Variants in JCAD observed in about 807,000 individuals in gnomAD.
JCAD encodes the protein junctional cadherin 5 associated, also known as junctional cadherin 5-associated protein.
In JCAD, 40 loss-of-function variants were observed where a neutral mutation model predicts 98.0. The ratio of observed to expected loss-of-function variants is 0.41; its 90% CI spans 0.32 to 0.53. The LOEUF (loss-of-function observed/expected upper bound fraction) is 0.53, where lower values mean the gene tolerates loss of function less well. Among genes scored for constraint, JCAD ranks in the 20% least tolerant of loss-of-function variants. JCAD has a pLI of 0.31. For missense variants in JCAD, 1,705 were observed against 1,738.1 expected (o/e 0.98, Z 0.34); for synonymous variants, 691 against 682.3 (o/e 1.01, Z -0.20).
At position 30,027,917 on chromosome 10, in the gene JCAD, C is replaced by G. The variant is rs1334549998; in HGVS notation, c.2231G>C (p.Arg744Thr). 1 of 1,614,200 alleles carries G rather than the reference C, an allele frequency of 6.2e-7. No individual in the cohort carries two copies. The highest frequency in any genetic ancestry group is 2.2e-5 in the East Asian group (1 of 44,876). ...TAFPTGDHKQRPSARNLKGHR... is the reference protein window; with the variant it reads ...TAFPTGDHKQTPSARNLKGHR... ...ACCTTTCAGGTTACGGGCACTTGGC[C>G]TCTGTTTGTGATCACCGGTAGGGAA... Residue 744 changes from arginine to threonine, a missense_variant, in exon 3 of 4, where the codon AGG becomes ACG. Transcript: ENST00000375377.
intron 1 of JCAD, among the ~76,000 whole-genome samples, chr10:30,082,202 C>T (rs1004787117): frequency 4.6e-5 from 7 of 152,012 alleles, no homozygotes; most frequent in African/African-American, 1.7e-4. Flanking sequence ...AAAACAGATC[C>T]ATTAGCTGTC....
intron 2 of JCAD, among the ~76,000 whole-genome samples, chr10:30,030,646 C>G (rs2074387193): frequency 6.6e-6 from 1 of 151,998 alleles, no homozygotes; most frequent in African/African-American, 2.4e-5. Flanking sequence ...TCACTGAGTC[C>G]TGGAATTGCT....
chr10:30,052,682 C>T (rs375373818), intron 1 of JCAD, among the ~76,000 whole-genome samples: 8 of 152,168 alleles, frequency 5.3e-5, no homozygotes, highest in Admixed American at 4.6e-4. Flanking sequence ...TTCATCAGGG[C>T]ACTTGTTTTA....
At chr10:30,109,679 GA>G (rs549375359) in intron 1 of JCAD, among the ~76,000 whole-genome samples, 62 of 152,318 alleles carry the variant, frequency 4.1e-4, no homozygotes, top group African/African-American at 1.4e-3. Flanking sequence ...ATGGTGGAAG[GA>G]TACTATGATT....
chr10:30,066,327 A>C (rs1837783059), intron 2 of JCAD, among the ~76,000 whole-genome samples: 1 of 152,192 alleles, frequency 6.6e-6, no homozygotes, highest in Non-Finnish European at 1.5e-5. Context: ...CATGAGAAAA[A>C]TCATTTCTAA....
intron 1 of JCAD, among the ~76,000 whole-genome samples, chr10:30,100,076 T>G (rs1254612941): frequency 1.3e-5 from 2 of 151,552 alleles, no homozygotes; most frequent in Non-Finnish European, 2.9e-5. Flanking sequence ...GGGCCATGTG[T>G]GTCAGGGATA....
chr10:30,092,669 G>T (rs573962219), intron 1 of JCAD, among the ~76,000 whole-genome samples: 1 of 152,206 alleles, frequency 6.6e-6, no homozygotes, highest in Admixed American at 6.5e-5. Flanking sequence ...CAGCCAGCAC[G>T]TTGGATGCTT....
intron 2 of JCAD, among the ~76,000 whole-genome samples, chr10:30,032,969 TG>T (rs1288136346): frequency 1.3e-5 from 2 of 152,248 alleles, no homozygotes; most frequent in African/African-American, 4.8e-5. Context: ...TTAAGTAACT[TG>T]CTTAATACTA....
At chr10:30,046,483 C>T (rs1419632063) in intron 2 of JCAD, among the ~76,000 whole-genome samples, 3 of 152,172 alleles carry the variant, frequency 2.0e-5, no homozygotes, top group East Asian at 1.9e-4. Context: ...CCAGAAGAAA[C>T]GTTTTGTTTT....
At chr10:30,093,383 T>C (rs1349792057) in intron 1 of JCAD, among the ~76,000 whole-genome samples, 1 of 152,224 alleles carries the variant, frequency 6.6e-6, no homozygotes, top group East Asian at 1.9e-4. Flanking sequence ...TACAAGATAG[T>C]GTTCACATCT....
chr10:30,094,279 T>TAA (rs79009660), intron 1 of JCAD, among the ~76,000 whole-genome samples: 47 of 144,326 alleles, frequency 3.3e-4, no homozygotes, highest in Non-Finnish European at 4.9e-4. Context: ...CTGTCTCTAC[T>TAA]AAAAAAAAAA....
At chr10:30,041,972 C>CTG (rs140594644) in intron 2 of JCAD, among the ~76,000 whole-genome samples, 169 of 151,932 alleles carry the variant, frequency 1.1e-3, no homozygotes, top group African/African-American at 4.0e-3. Flanking sequence ...CTTCCTCTTA[C>CTG]TGTGTGTGTG....
intron 2 of JCAD, among the ~76,000 whole-genome samples, chr10:30,045,152 G>C (rs1564452329): frequency 6.6e-6 from 1 of 152,156 alleles, no homozygotes; most frequent in African/African-American, 2.4e-5. Context: ...TCAGGAACCT[G>C]TTACCACACA....
intron 1 of JCAD, 58 bp from the exon 2 acceptor site, chr10:30,047,929 A>T: frequency 9.1e-7 from 1 of 1,097,990 alleles, no homozygotes. Context: ...TCAGTCTGAC[A>T]CCTCCTCCTC....
chr10:30,097,712 G>A (rs1300003620), intron 1 of JCAD, among the ~76,000 whole-genome samples: 5 of 152,048 alleles, frequency 3.3e-5, no homozygotes, highest in African/African-American at 7.2e-5. Context: ...GCAGTGAGCC[G>A]AGATTGCCCC....
In JCAD at chr10:30,026,192, G is replaced by C; in HGVS notation, c.3956C>G (p.Ser1319Cys). The C allele has an allele frequency of 6.2e-7, 1 of 1,614,176 alleles. No individual in the cohort carries two copies. Among genetic ancestry groups the C allele is most frequent in the Non-Finnish European group, 8.5e-7 (1 of 1,180,042 alleles). ...CCTGGAGATGCTGTCCTTGGACACA[G>C]AGAGTGAGTGGCCCAATCTCTGGGC... ...DRAQRLGHSL[S>C]VSKDSISREE... is the part of the protein sequence containing the mutation. Residue 1319 changes from serine to cysteine, a missense_variant, in exon 3 of 4, where the codon TCT becomes TGT. Transcript: ENST00000375377.
chr10:30,061,346 C>T (rs768918766), upstream of JCAD, among the ~76,000 whole-genome samples: 8 of 151,972 alleles, frequency 5.3e-5, no homozygotes, highest in Non-Finnish European at 8.8e-5. Context: ...AGTTCGAGAC[C>T]AGCCTGGGTA....
chr10:30,060,734 C>G (rs995632775), upstream of JCAD, among the ~76,000 whole-genome samples: 2 of 152,110 alleles, frequency 1.3e-5, no homozygotes, highest in African/African-American at 4.8e-5. Flanking sequence ...TGTATTATTT[C>G]TTTTAATCCT....
Position 30,027,575 on chromosome 10 carries a change from C to T in JCAD, c.2573G>A (p.Ser858Asn), listed in dbSNP as rs1276842771. 1 of 1,611,248 alleles carries T rather than the reference C, an allele frequency of 6.2e-7. No homozygotes were observed. Among genetic ancestry groups the T allele is most frequent in the Non-Finnish European group, 8.5e-7 (1 of 1,178,218 alleles). Residue 858 changes from serine (S) to asparagine (N), a missense_variant, in exon 3 of 4, where the codon AGC becomes AAC. Transcript: ENST00000375377. Reference protein sequence around the residue: ...SSSSSSSSSSSSEESEAEPQQ... With the variant: ...SSSSSSSSSSNSEESEAEPQQ... ...CGGCTCCGCCTCACTCTCCTCACTG[C>T]TGCTGCTGCTGCTGCTGCTGCTACT...
Sources: allele counts gnomAD v4.1 joint callset (sites outside exome capture counted in the v4.1 genomes callset), GRCh38; gene constraint gnomAD v4.1.1; transcripts MANE v1.5; gene names NCBI Gene and HGNC (gene_info 2026-07-23, HGNC 2026-07-21).